KCND3: variants seen among roughly 807,000 people sequenced by gnomAD.
KCND3 encodes potassium voltage-gated channel subfamily D member 3, also known as A-type voltage-gated potassium channel KCND3.
In KCND3, 9 loss-of-function variants were observed where a neutral mutation model predicts 51.1. The observed-to-expected ratio is 0.18, with a 90% CI of 0.11 to 0.31. The LOEUF is 0.31. KCND3 is among the 10% of genes least tolerant of loss of function. The pLI is 1.00. For missense variants in KCND3, 526 were observed against 903.8 expected, an observed-to-expected ratio of 0.58 and a Z score of 5.36; for synonymous variants, 349 against 368.0, an observed-to-expected ratio of 0.95 and a Z score of 0.59.
intron 2 of KCND3, among the ~76,000 whole-genome samples, chr1:111,948,320 G>C (rs1156409132): frequency 6.6e-6 from 1 of 152,230 alleles, no homozygotes; most frequent in Non-Finnish European, 1.5e-5. Context: ...AGCAGCCACA[G>C]ACAAGTGCTT....
chr1:111,786,026 C>T (rs746875388), intron 3 of KCND3, among the ~76,000 whole-genome samples: 10 of 152,334 alleles, frequency 6.6e-5, no homozygotes, highest in South Asian at 2.1e-4. Flanking sequence ...TGGCCATAAC[C>T]CCTGGGGGCT....
At chr1:111,783,563 C>A (rs1484452184) in intron 3 of KCND3, among the ~76,000 whole-genome samples, 1 of 152,090 alleles carries the variant, frequency 6.6e-6, no homozygotes, top group South Asian at 2.1e-4. Context: ...CTGATGGGTG[C>A]CTTTTAACCA....
intron 2 of KCND3, among the ~76,000 whole-genome samples, chr1:111,902,732 A>G (rs1389544936): frequency 1.3e-5 from 2 of 152,228 alleles, no homozygotes; most frequent in Non-Finnish European, 2.9e-5. Flanking sequence ...CATCTGCAAA[A>G]TAGGGATAGC....
chr1:111,816,004 C>T (rs1388860863), intron 2 of KCND3, among the ~76,000 whole-genome samples: 1 of 152,312 alleles, frequency 6.6e-6, no homozygotes, highest in Non-Finnish European at 1.5e-5. Flanking sequence ...TGGGGCCAAC[C>T]TGAGCGCTAA....
chr1:111,957,441 C>T (rs1673394687), intron 2 of KCND3, among the ~76,000 whole-genome samples: 1 of 152,198 alleles, frequency 6.6e-6, no homozygotes, highest in African/African-American at 2.4e-5. Flanking sequence ...ACAAGGGATG[C>T]TTCTGGGAAT....
At chr1:111,857,482 C>G (rs1028293916) in intron 2 of KCND3, among the ~76,000 whole-genome samples, 2 of 152,196 alleles carry the variant, frequency 1.3e-5, no homozygotes, top group African/African-American at 4.8e-5. Context: ...ATATGCAGTA[C>G]AGCCGGGAGA....
chr1:111,925,735 G>A (rs1557723059), intron 2 of KCND3, among the ~76,000 whole-genome samples: 1 of 152,154 alleles, frequency 6.6e-6, no homozygotes, highest in Non-Finnish European at 1.5e-5. Context: ...AGAGAAGAGT[G>A]CCTGCCCATG....
At chr1:111,804,558 T>C (rs1665475291) in intron 2 of KCND3, among the ~76,000 whole-genome samples, 1 of 152,218 alleles carries the variant, frequency 6.6e-6, no homozygotes, top group South Asian at 2.1e-4. Flanking sequence ...GCCCTGCCTG[T>C]AGCCTCTGTG....
chr1:111,950,003 CG>C (rs1672978159), intron 2 of KCND3, among the ~76,000 whole-genome samples: 1 of 152,174 alleles, frequency 6.6e-6, no homozygotes, highest in South Asian at 2.1e-4. Context: ...CTCCACCTCC[CG>C]GGTTCGAGCA....
At chr1:111,967,371 TG>T (rs769652973) in intron 2 of KCND3, among the ~76,000 whole-genome samples, 14 of 152,080 alleles carry the variant, frequency 9.2e-5, no homozygotes, top group Non-Finnish European at 1.5e-4. Flanking sequence ...CCAGGGTTAA[TG>T]TCTTATGCTT....
rs539783611 is a variant in KCND3, at chr1:111,777,232, G to A, written c.1560C>T (p.Cys520=). The part of the protein sequence containing the change: ...FIDEQMFEQN[C]MESSMQNYPS... ...GGTAGTTCTGCATTGAACTCTCCAT[G>A]CAGTTCTGCTCAAACATCTGCTCAT... The change falls in exon 7 of 8, where the codon TGC becomes TGT. Residue 520 remains cysteine, a synonymous_variant. Coordinates refer to ENST00000302127, the MANE Select transcript of KCND3 (RefSeq NM_001378969.1). 12 of 1,614,182 alleles carry A rather than the reference G, an allele frequency of 7.4e-6. No individual in the cohort carries two copies. Among genetic ancestry groups the A allele is most frequent in the Admixed American group, 5.0e-5 (3 of 60,020 alleles).
intron 2 of KCND3, among the ~76,000 whole-genome samples, chr1:111,931,180 C>T (rs1205028106): frequency 6.6e-6 from 1 of 152,036 alleles, no homozygotes; most frequent in Admixed American, 6.5e-5. Context: ...GAAAGATAAA[C>T]CAGAAACTTA....
At chr1:111,871,082 G>A (rs752816904) in intron 2 of KCND3, among the ~76,000 whole-genome samples, 1 of 152,194 alleles carries the variant, frequency 6.6e-6, no homozygotes, top group Non-Finnish European at 1.5e-5. Context: ...CATATGTGAG[G>A]CACATTGAGA....
chr1:111,960,009 C>G (rs772642965), intron 2 of KCND3, among the ~76,000 whole-genome samples: 2 of 151,586 alleles, frequency 1.3e-5, no homozygotes, highest in Admixed American at 1.3e-4. Flanking sequence ...TCAGCACTCA[C>G]TCTTCTCTCT....
At chr1:111,862,049 T>C (rs149982979) in intron 2 of KCND3, among the ~76,000 whole-genome samples, 17 of 152,320 alleles carry the variant, frequency 1.1e-4, no homozygotes, top group Admixed American at 8.5e-4. Context: ...CATTTCCTTA[T>C]GGCCTGTAGG....
chr1:111,961,020 C>CTCGA (rs1673624168), intron 2 of KCND3, among the ~76,000 whole-genome samples: 1 of 152,184 alleles, frequency 6.6e-6, no homozygotes, highest in African/African-American at 2.4e-5. Flanking sequence ...ATAGGGGTAG[C>CTCGA]CTCGACTCTG....
In KCND3 at chr1:111,832,511, T is replaced by A. The variant is rs554845499; in HGVS notation, c.1107-45405A>T. 3.3e-5 allele frequency among the ~76,000 whole-genome samples: 5 copies of A among 152,248 alleles called. No homozygotes were observed. In the East Asian group the frequency reaches 9.6e-4, roughly 29 times the overall value. On this transcript the variant is annotated intron_variant, in intron 2 of 7. Coordinates refer to ENST00000302127, the MANE Select transcript of KCND3 (RefSeq NM_001378969.1). ...TCCCCATTATCTCACTCCCTTTCCT[T>A]TTTTTCTGAAAACATCTCTCTGATG... is the stretch of plus-strand genomic sequence containing the variant.
chr1:111,964,680 AC>A (rs1411461568), intron 2 of KCND3, among the ~76,000 whole-genome samples: 1 of 152,198 alleles, frequency 6.6e-6, no homozygotes, highest in Admixed American at 6.5e-5. Context: ...TCTAGGTGTT[AC>A]TAGGAGGTAG....
intron 2 of KCND3, among the ~76,000 whole-genome samples, chr1:111,947,447 A>T (rs1307032999): frequency 6.6e-6 from 1 of 152,254 alleles, no homozygotes; most frequent in Non-Finnish European, 1.5e-5. Flanking sequence ...CATCTCAATT[A>T]ATTTTCACTT....
Sources: allele counts gnomAD v4.1 joint callset (sites outside exome capture counted in the v4.1 genomes callset), GRCh38; gene constraint gnomAD v4.1.1; transcripts MANE v1.5; gene names NCBI Gene and HGNC (gene_info 2026-07-23, HGNC 2026-07-21).